The following PABPC4L variants were observed in gnomAD, a reference collection of about 807,000 sequenced individuals.
The protein encoded by PABPC4L is polyadenylate-binding protein 4-like.
For synonymous variants in PABPC4L, 169 were observed against 164.1 expected (o/e 1.03, Z -0.23); for missense variants, 452 against 451.4 (o/e 1.00, Z -0.01).
At chr4:134,119,930 T>C in the PABPC4L span, among the ~76,000 whole-genome samples, 5 of 151,762 alleles carry the variant, frequency 3.3e-5, no homozygotes, top group Non-Finnish European at 7.4e-5. Context: ...TGCTGCACTC[T>C]GAGTGAATAG....
At chr4:134,076,791 A>T in the PABPC4L span, among the ~76,000 whole-genome samples, 1 of 152,086 alleles carries the variant, frequency 6.6e-6, no homozygotes, top group Non-Finnish European at 1.5e-5. Flanking sequence ...AGATAGATAG[A>T]TAGACTTTCA....
chr4:134,164,220 G>A, the PABPC4L span, among the ~76,000 whole-genome samples: 4 of 113,536 alleles, frequency 3.5e-5, no homozygotes, highest in Admixed American at 4.0e-4. Flanking sequence ...CCGAGATCCC[G>A]CCACTGCACT....
At chr4:134,141,404 C>A in the PABPC4L span, among the ~76,000 whole-genome samples, 1 of 150,932 alleles carries the variant, frequency 6.6e-6, no homozygotes, top group Non-Finnish European at 1.5e-5. Context: ...CTTTCATCAC[C>A]TTGATGAGCT....
chr4:134,053,792 C>T, the PABPC4L span, among the ~76,000 whole-genome samples: 33 of 152,018 alleles, frequency 2.2e-4, no homozygotes, highest in East Asian at 5.2e-3. Flanking sequence ...GAATAAAGGA[C>T]TCAAAATTCG....
the PABPC4L span, among the ~76,000 whole-genome samples, chr4:134,014,301 G>A: frequency 6.6e-6 from 1 of 152,150 alleles, no homozygotes; most frequent in Non-Finnish European, 1.5e-5. Flanking sequence ...CAGCCAAGTA[G>A]CAACATATTT....
At chr4:134,098,127 A>C in the PABPC4L span, among the ~76,000 whole-genome samples, 1 of 151,822 alleles carries the variant, frequency 6.6e-6, no homozygotes, top group African/African-American at 2.4e-5. Context: ...TATAAGAGCA[A>C]TTGAAGAAAA....
At chr4:134,177,276 G>A in the PABPC4L span, among the ~76,000 whole-genome samples, 1 of 150,032 alleles carries the variant, frequency 6.7e-6, no homozygotes, top group South Asian at 2.1e-4. Flanking sequence ...CACCTCCTGG[G>A]TTCAATTCTC....
chr4:134,188,216 G>C, the PABPC4L span, among the ~76,000 whole-genome samples: 10 of 151,888 alleles, frequency 6.6e-5, no homozygotes, highest in African/African-American at 2.2e-4. Flanking sequence ...ACCACTTCTG[G>C]TGTAATACAA....
chr4:134,021,419 C>A, the PABPC4L span, among the ~76,000 whole-genome samples: 2 of 152,094 alleles, frequency 1.3e-5, no homozygotes, highest in East Asian at 3.9e-4. Context: ...GTATTAATAG[C>A]TTGCGCTTTC....
the PABPC4L span, among the ~76,000 whole-genome samples, chr4:134,140,639 G>A: frequency 1.3e-5 from 2 of 151,782 alleles, no homozygotes; most frequent in African/African-American, 2.4e-5. Context: ...CATAAGAGTA[G>A]ATAAATGTAG....
chr4:134,200,110 T>C lies in PABPC4L; in HGVS notation c.910A>G (p.Ile304Val). ...TCGTTTCGTAGTTTTTCATCATCGA[T>C]GGTGTCATCAAGGTTCTTAATATAG... ...KLYIKNLDDT[I>V]DDEKLRNEFS... Residue 304 changes from isoleucine (I) to valine (V), a missense_variant, in exon 2 of 2, where the codon ATC (isoleucine) becomes GTC (valine). Transcript: ENST00000421491. 6.4e-7 allele frequency: 1 copy of C among 1,551,668 alleles called. No individual in the cohort carries two copies. Among genetic ancestry groups the C allele is most frequent in the East Asian group, 2.4e-5 (1 of 40,918 alleles).
Position 134,199,839 on chromosome 4 carries a change from T to C in PABPC4L, c.*68A>G. 6.6e-7 allele frequency: 1 copy of C among 1,509,506 alleles called. No homozygotes were observed. Among genetic ancestry groups the C allele is most frequent in the Non-Finnish European group, 8.9e-7 (1 of 1,128,506 alleles). The allele number at this position is 1,509,506 out of a possible 1,614,324, so 93.5% of individuals were successfully genotyped here. On this transcript the variant is annotated 3_prime_UTR_variant, in exon 2 of 2. Transcript: ENST00000421491. Reference sequence around the variant, plus strand: ...GAATATGAAATTTACTGAGGTCAATTCAGGCAGAGATCACTATCATTCTCC... The same window carrying C: ...GAATATGAAATTTACTGAGGTCAATCCAGGCAGAGATCACTATCATTCTCC...
chr4:134,194,456 T>A (rs922562465), downstream of PABPC4L, among the ~76,000 whole-genome samples: 31 of 151,752 alleles, frequency 2.0e-4, no homozygotes, highest in African/African-American at 7.5e-4. Context: ...TTGCTTAACG[T>A]TTGAATATGT....
the PABPC4L span, among the ~76,000 whole-genome samples, chr4:134,051,841 C>G: frequency 2.0e-5 from 3 of 151,886 alleles, no homozygotes; most frequent in Non-Finnish European, 2.9e-5. Flanking sequence ...TTTTAATGAA[C>G]CTAGAACAAT....
the PABPC4L span, among the ~76,000 whole-genome samples, chr4:134,130,355 C>T: frequency 1.3e-5 from 2 of 152,008 alleles, no homozygotes; most frequent in African/African-American, 2.4e-5. Context: ...GACACTACAA[C>T]TGATTCCACA....
At chr4:133,991,524 C>T in the PABPC4L span, among the ~76,000 whole-genome samples, 3 of 152,156 alleles carry the variant, frequency 2.0e-5, no homozygotes, top group Non-Finnish European at 2.9e-5. Flanking sequence ...TGATCTGTAT[C>T]CTGCTGTAAG....
chr4:134,117,181 AC>A, the PABPC4L span, among the ~76,000 whole-genome samples: 1 of 151,686 alleles, frequency 6.6e-6, no homozygotes, highest in Admixed American at 6.6e-5. Flanking sequence ...TAATCCTGAC[AC>A]TTCTACCATG....
chr4:134,108,523 A>G, the PABPC4L span, among the ~76,000 whole-genome samples: 1 of 151,920 alleles, frequency 6.6e-6, no homozygotes, highest in Non-Finnish European at 1.5e-5. Context: ...GAAGGACTGA[A>G]GAATCCACAA....
the PABPC4L span, among the ~76,000 whole-genome samples, chr4:134,101,185 T>C: frequency 6.6e-6 from 1 of 151,498 alleles, no homozygotes; most frequent in East Asian, 1.9e-4. Flanking sequence ...TATATTTTTG[T>C]ATTAAAAGCA....
Sources: gnomAD v4.1 joint callset for allele counts (sites outside exome capture counted in the v4.1 genomes callset) on GRCh38, gnomAD v4.1.1 for gene constraint, MANE v1.5 for transcripts, NCBI Gene and HGNC (gene_info 2026-07-23, HGNC 2026-07-21) for gene names.